Variants in SLC9A7 observed in about 807,000 individuals in gnomAD.
The protein encoded by SLC9A7 is sodium/hydrogen exchanger 7.
A neutral mutation model predicts 52.6 loss-of-function variants in SLC9A7; 19 were observed. That is an observed-to-expected ratio of 0.36 (90% CI 0.25 to 0.53). The LOEUF is 0.53. SLC9A7 is among the 20% of genes least tolerant of loss of function. SLC9A7 has a pLI of 0.91. For synonymous variants in SLC9A7, 226 were observed against 252.1 expected, an observed-to-expected ratio of 0.90 and a Z score of 0.98; for missense variants, 455 against 597.9, an observed-to-expected ratio of 0.76 and a Z score of 2.49.
rs774554487 is a variant in SLC9A7, at chrX:46,631,673, CA to C, written c.1677-25del. On this transcript the variant is annotated intron_variant, in intron 13 of 16. Coordinates refer to ENST00000616978, the MANE Select transcript of SLC9A7 (RefSeq NM_001257291.2). ...CTCTGAAAGTCACCAGGGAGAAAGACAAAGAGAAAAACAGAGCGTATTAGCT... is the reference window on the plus strand; with the variant it reads ...CTCTGAAAGTCACCAGGGAGAAAGACAAGAGAAAAACAGAGCGTATTAGCT... 598 of 1,175,308 alleles carry C rather than the reference CA, an allele frequency of 5.1e-4. 6 individuals are homozygous for C. In the African/African-American group the frequency reaches 9.4e-3, roughly 19 times the overall value.
chrX:46,746,735 T>C (rs1004987121), intron 1 of SLC9A7, among the ~76,000 whole-genome samples: 1 of 111,661 alleles, frequency 9.0e-6, no homozygotes, highest in Non-Finnish European at 1.9e-5. Context: ...AGTTTGGAGG[T>C]TCCTCAAGAA....
intron 12 of SLC9A7, among the ~76,000 whole-genome samples, chrX:46,637,141 T>C (rs1423380112): frequency 8.9e-6 from 1 of 112,175 alleles, no homozygotes; most frequent in Admixed American, 9.4e-5. Flanking sequence ...GAATTTTTCA[T>C]TGCATTATTT....
At chrX:46,742,046 G>A (rs1321183798) in intron 1 of SLC9A7, among the ~76,000 whole-genome samples, 1 of 111,306 alleles carries the variant, frequency 9.0e-6, no homozygotes, top group African/African-American at 3.3e-5. Context: ...TTCAACATTA[G>A]GGAAATATAA....
intron 10 of SLC9A7, 92 bp from the exon 11 acceptor site, chrX:46,648,889 T>C (rs1943537285): frequency 3.2e-6 from 2 of 625,924 alleles, no homozygotes; most frequent in Non-Finnish European, 5.2e-6. Flanking sequence ...AGGAATGCTG[T>C]GACACCTCGT....
chrX:46,663,927 C>G (rs1308361101), intron 5 of SLC9A7, among the ~76,000 whole-genome samples: 2 of 111,962 alleles, frequency 1.8e-5, no homozygotes, highest in Admixed American at 9.4e-5. Context: ...CCATTGCACT[C>G]CAGCCTGGGC....
chrX:46,644,987 A>C (rs776396735), intron 11 of SLC9A7, among the ~76,000 whole-genome samples: 36 of 112,094 alleles, frequency 3.2e-4, no homozygotes, highest in Admixed American at 7.6e-4. Flanking sequence ...GACTCAAAGA[A>C]AACTTGGGCA....
chrX:46,703,068 G>C (rs1944555763), intron 1 of SLC9A7, among the ~76,000 whole-genome samples: 1 of 112,231 alleles, frequency 8.9e-6, no homozygotes, highest in Non-Finnish European at 1.9e-5. Context: ...TTGGCCACTT[G>C]TATGTCTTCT....
intron 3 of SLC9A7, among the ~76,000 whole-genome samples, chrX:46,677,534 C>T (rs1416340128): frequency 8.9e-6 from 1 of 112,441 alleles, no homozygotes; most frequent in Non-Finnish European, 1.9e-5. Flanking sequence ...TCTTCAATCA[C>T]CATCACCTTC....
chrX:46,663,570 A>G (rs12835070), intron 5 of SLC9A7, among the ~76,000 whole-genome samples: 2 of 92,756 alleles, frequency 2.2e-5, no homozygotes, highest in African/African-American at 4.0e-5. Context: ...CCCAGGAGGC[A>G]GAGGTTGCAG....
At chrX:46,612,650 G>A (rs751186208) in intron 16 of SLC9A7, among the ~76,000 whole-genome samples, 112 of 110,775 alleles carry the variant, frequency 1.0e-3, no homozygotes, top group African/African-American at 3.3e-3. Context: ...GATGCAGGCC[G>A]GGCATGGTGG....
rs938266845 is a variant in SLC9A7 at position 46,602,416 on chromosome X, G to A, written c.*4536C>T. On this transcript the variant is annotated 3_prime_UTR_variant, in exon 17 of 17. Coordinates refer to ENST00000616978, the MANE Select transcript of SLC9A7 (RefSeq NM_001257291.2). ...AAAATCAGATTCCAAATAGTCTAGA[G>A]GTCTGCTGCGAGCTCTAGACTAAAG... 3 of 111,615 alleles carry A rather than the reference G, an allele frequency of 2.7e-5. No homozygotes were observed. Among genetic ancestry groups the A allele is most frequent in the Non-Finnish European group, 5.6e-5 (3 of 53,133 alleles). 9.2% of individuals were successfully genotyped at this position (111,615 alleles called of 1,213,427 possible). A position where few individuals can be genotyped will look rare whatever the true frequency, so the allele number is the denominator to read the frequency against.
At chrX:46,725,587 G>T in intron 1 of SLC9A7, 1 of 1,010,839 alleles carries the variant, frequency 9.9e-7, no homozygotes, top group Non-Finnish European at 1.4e-6. Context: ...TTGCCCTGCT[G>T]CTGCTCATAC....
At chrX:46,746,190 G>A (rs1262828723) in intron 1 of SLC9A7, among the ~76,000 whole-genome samples, 3 of 110,191 alleles carry the variant, frequency 2.7e-5, no homozygotes, top group African/African-American at 6.6e-5. Context: ...TTAGTTGGGC[G>A]TGGTGGTGGG....
At chrX:46,648,097 AC>A (rs1200955422) in intron 11 of SLC9A7, among the ~76,000 whole-genome samples, 1 of 112,285 alleles carries the variant, frequency 8.9e-6, no homozygotes, top group African/African-American at 3.2e-5. Context: ...TCTCAGCTTT[AC>A]AGGGAAAAGG....
At chrX:46,757,642 G>A (rs1404617442) in intron 1 of SLC9A7, among the ~76,000 whole-genome samples, 1 of 112,141 alleles carries the variant, frequency 8.9e-6, no homozygotes, top group Admixed American at 9.4e-5. Context: ...ATCATGAAGT[G>A]GCTCGTCTAT....
intron 4 of SLC9A7, among the ~76,000 whole-genome samples, chrX:46,671,611 A>T (rs1474827272): frequency 8.9e-6 from 1 of 111,819 alleles, no homozygotes; most frequent in African/African-American, 3.3e-5. Flanking sequence ...TTTAAGGAGT[A>T]CTGCTCAGAT....
chrX:46,757,930 A>G, intron 1 of SLC9A7, among the ~76,000 whole-genome samples: 1 of 111,879 alleles, frequency 8.9e-6, no homozygotes, highest in Non-Finnish European at 1.9e-5. Context: ...TCCGGAATTA[A>G]AACCACGACT....
chrX:46,683,896 C>A (rs1030868211), intron 1 of SLC9A7, among the ~76,000 whole-genome samples: 1 of 111,990 alleles, frequency 8.9e-6, no homozygotes, highest in Admixed American at 9.5e-5. Flanking sequence ...TTACTGTCTT[C>A]CATGTGTAAT....
chrX:46,738,031 A>G lies in SLC9A7; in HGVS notation c.325+20674T>C, dbSNP rs188998003. Among the ~76,000 whole-genome samples the G allele has an allele frequency of 5.8e-3, 410 of 70,353 alleles. 5 individuals are homozygous for G. The highest frequency in any genetic ancestry group is 0.025 in the African/African-American group (386 of 15,261). 61.1% of individuals were successfully genotyped at this position (70,353 alleles called of 115,157 possible). ...AACAGAGTGAGACCCTGTCTCAAAAAAAAGAAAGAAAGAAAGAAAGAAAGA... is the reference window on the plus strand; with the variant it reads ...AACAGAGTGAGACCCTGTCTCAAAAGAAAGAAAGAAAGAAAGAAAGAAAGA... On this transcript the variant is annotated intron_variant, in intron 1 of 16. Transcript: ENST00000616978.
Sources: allele counts gnomAD v4.1 joint callset (sites outside exome capture counted in the v4.1 genomes callset), GRCh38; gene constraint gnomAD v4.1.1; transcripts MANE v1.5; gene names NCBI Gene and HGNC (gene_info 2026-07-23, HGNC 2026-07-21).